The following PLXDC2 variants were observed in gnomAD, a reference collection of about 807,000 sequenced individuals.
The protein encoded by PLXDC2 is plexin domain containing 2, also known as plexin domain-containing protein 2.
PLXDC2 carries 40 observed loss-of-function variants against 68.9 expected under a neutral mutation model. The ratio of observed to expected loss-of-function variants is 0.58; its 90% CI spans 0.45 to 0.76. PLXDC2 has a LOEUF of 0.76. Among genes scored for constraint, PLXDC2 ranks in the 30% least tolerant of loss-of-function variants. The pLI, the probability that PLXDC2 is intolerant of heterozygous loss-of-function variation, is 0.00. For missense variants in PLXDC2, 644 were observed against 661.9 expected (o/e 0.97, Z 0.30); for synonymous variants, 243 against 234.2 (o/e 1.04, Z -0.34).
chr10:20,087,852 A>C (rs1337253366), intron 4 of PLXDC2, among the ~76,000 whole-genome samples: 3 of 152,040 alleles, frequency 2.0e-5, no homozygotes, highest in African/African-American at 4.8e-5. Flanking sequence ...TTTATTAATA[A>C]TTTCCCTACC....
chr10:20,141,021 A>G (rs111738417), intron 4 of PLXDC2, among the ~76,000 whole-genome samples: 3,911 of 152,188 alleles, frequency 0.026, 69 homozygotes, highest in South Asian at 0.07. Flanking sequence ...AACTTATTTT[A>G]ATATTCTAGT....
intron 3 of PLXDC2, among the ~76,000 whole-genome samples, 167 bp from the exon 4 acceptor site, chr10:20,068,003 A>G (rs1000833149): frequency 2.0e-5 from 3 of 152,216 alleles, no homozygotes; most frequent in Non-Finnish European, 4.4e-5. Flanking sequence ...TTTAATTACC[A>G]GAAAAAATAT....
At chr10:19,989,378 C>G (rs565849595) in intron 1 of PLXDC2, among the ~76,000 whole-genome samples, 1 of 152,184 alleles carries the variant, frequency 6.6e-6, no homozygotes, top group African/African-American at 2.4e-5. Context: ...AAAATATAGC[C>G]TCTAGTATCA....
chr10:19,891,056 T>C (rs1186707426), intron 1 of PLXDC2, among the ~76,000 whole-genome samples: 2 of 152,192 alleles, frequency 1.3e-5, no homozygotes, highest in Non-Finnish European at 2.9e-5. Context: ...CCATGCAGTC[T>C]TCTTCCTATG....
intron 1 of PLXDC2, among the ~76,000 whole-genome samples, chr10:19,826,824 T>A (rs951579064): frequency 6.6e-6 from 1 of 152,226 alleles, no homozygotes; most frequent in African/African-American, 2.4e-5. Flanking sequence ...AGCTCCTGTA[T>A]CAGAATCTTG....
chr10:19,914,820 A>G (rs1833336481), intron 1 of PLXDC2, among the ~76,000 whole-genome samples: 1 of 152,142 alleles, frequency 6.6e-6, no homozygotes, highest in African/African-American at 2.4e-5. Context: ...TTAAAATTGT[A>G]TGTCTTCTTG....
In PLXDC2 at chr10:19,999,619, G is replaced by A. The variant is rs527377578; in HGVS notation, c.113-2156G>A. Among the ~76,000 whole-genome samples, 4 of 152,246 alleles carry A rather than the reference G, an allele frequency of 2.6e-5. No homozygotes were observed. The South Asian group carries it at 8.3e-4, about 32-fold the overall frequency. ...TCTTTGTGTTTGCATAGCTATGTCAGGGGTGTAACTTGCTAAGAGCTACTA... is the reference window on the plus strand; with the variant it reads ...TCTTTGTGTTTGCATAGCTATGTCAAGGGTGTAACTTGCTAAGAGCTACTA... On this transcript the variant is annotated intron_variant, in intron 1 of 13. Coordinates refer to ENST00000377252, the MANE Select transcript of PLXDC2 (RefSeq NM_032812.9).
chr10:19,873,030 A>G (rs1484260898), intron 1 of PLXDC2, among the ~76,000 whole-genome samples: 2 of 152,196 alleles, frequency 1.3e-5, no homozygotes, highest in African/African-American at 4.8e-5. Flanking sequence ...TTGTTTTGAC[A>G]GGAAATCTCC....
chr10:20,018,103 G>T (rs918824882), intron 2 of PLXDC2, among the ~76,000 whole-genome samples: 2 of 152,288 alleles, frequency 1.3e-5, no homozygotes, highest in Non-Finnish European at 1.5e-5. Flanking sequence ...GTCATATGTA[G>T]CCCAACACAG....
chr10:19,939,305 T>A (rs1290912141), intron 1 of PLXDC2, among the ~76,000 whole-genome samples: 1 of 152,180 alleles, frequency 6.6e-6, no homozygotes, highest in African/African-American at 2.4e-5. Context: ...GCAGTGATCT[T>A]GGCTACAGAT....
chr10:20,177,231 G>A (rs1834539616), intron 8 of PLXDC2, 97 bp from the exon 9 acceptor site: 2 of 1,327,686 alleles, frequency 1.5e-6, no homozygotes, highest in Non-Finnish European at 2.2e-6. Flanking sequence ...TTGCTCCTGA[G>A]GATTAGGGGG....
chr10:19,826,784 T>G (rs1239047810), intron 1 of PLXDC2, among the ~76,000 whole-genome samples: 1 of 152,226 alleles, frequency 6.6e-6, no homozygotes, highest in Non-Finnish European at 1.5e-5. Flanking sequence ...TATGAAAACC[T>G]TTTGTTTTAC....
At chr10:20,175,608 C>G (rs2131824916) in intron 7 of PLXDC2, among the ~76,000 whole-genome samples, 1 of 152,310 alleles carries the variant, frequency 6.6e-6, no homozygotes, top group African/African-American at 2.4e-5. Flanking sequence ...GCAGGGGGAT[C>G]ACTTGAGTCC....
chr10:20,202,969 T>C (rs1362172598), intron 9 of PLXDC2, among the ~76,000 whole-genome samples: 1 of 152,094 alleles, frequency 6.6e-6, no homozygotes, highest in Non-Finnish European at 1.5e-5. Flanking sequence ...GCCCTGAAAA[T>C]GCACAAATGA....
intron 1 of PLXDC2, among the ~76,000 whole-genome samples, chr10:19,884,720 T>C (rs1233096490): frequency 2.0e-5 from 3 of 152,224 alleles, no homozygotes; most frequent in African/African-American, 7.2e-5. Flanking sequence ...CCATGGTGTA[T>C]ATGTGCCACA....
At chr10:20,105,491 G>T (rs544399417) in intron 4 of PLXDC2, among the ~76,000 whole-genome samples, 1 of 68,686 alleles carries the variant, frequency 1.5e-5, no homozygotes, top group Non-Finnish European at 2.3e-5. Context: ...ATATTTGTTC[G>T]TTCTTATTTG....
At chr10:20,024,809 A>G (rs2131661847) in intron 2 of PLXDC2, among the ~76,000 whole-genome samples, 1 of 152,258 alleles carries the variant, frequency 6.6e-6, no homozygotes. Flanking sequence ...TATAAGTGAG[A>G]ACATGCAGTA....
chr10:20,039,482 G>C (rs1185415440), intron 2 of PLXDC2, among the ~76,000 whole-genome samples: 1 of 152,130 alleles, frequency 6.6e-6, no homozygotes, highest in East Asian at 1.9e-4. Context: ...GCAATTTTAG[G>C]TTATTGACCT....
At chr10:20,085,197 T>C (rs1317481344) in intron 4 of PLXDC2, among the ~76,000 whole-genome samples, 1 of 97,480 alleles carries the variant, frequency 1.0e-5, no homozygotes, top group Admixed American at 1.1e-4. Flanking sequence ...CTATGTGATT[T>C]AGGTTTTTTG....
Sources: allele counts gnomAD v4.1 joint callset (sites outside exome capture counted in the v4.1 genomes callset), GRCh38; gene constraint gnomAD v4.1.1; transcripts MANE v1.5; gene names NCBI Gene and HGNC (gene_info 2026-07-23, HGNC 2026-07-21).